THAP3: variants seen among roughly 807,000 people sequenced by gnomAD.
THAP3 encodes THAP domain containing 3, also known as THAP domain-containing protein 3.
THAP3 carries 12 observed loss-of-function variants against 17.7 expected under a neutral mutation model. The observed-to-expected ratio is 0.68, with a 90% CI of 0.43 to 1.10. The LOEUF (loss-of-function observed/expected upper bound fraction) is 1.10. THAP3 is among the 50% of genes least tolerant of loss of function. The probability of loss-of-function intolerance (pLI) is 0.00; values close to 1 mark genes in which losing one functional copy is unlikely to be tolerated. For missense variants in THAP3, 289 were observed against 318.0 expected (o/e 0.91, Z 0.69); for synonymous variants, 133 against 126.9 (o/e 1.05, Z -0.32).
At chr1:6,630,566 T>C (rs1424585077) in intron 4 of THAP3, among the ~76,000 whole-genome samples, 1 of 152,172 alleles carries the variant, frequency 6.6e-6, no homozygotes, top group East Asian at 1.9e-4. Context: ...GGATCGTGCC[T>C]GATTCCCTTT....
At position 6,633,206 on chromosome 1, in the gene THAP3, G is replaced by A; in HGVS notation, c.*129G>A. 4 of 1,455,198 alleles carry A rather than the reference G, an allele frequency of 2.7e-6. No individual in the cohort carries two copies. Among genetic ancestry groups the A allele is most frequent in the Non-Finnish European group, 3.6e-6 (4 of 1,109,756 alleles). 90.1% of individuals were successfully genotyped at this position (1,455,198 alleles called of 1,614,324 possible). A position where few individuals can be genotyped will look rare whatever the true frequency, so the allele number is the denominator to read the frequency against. ...TGGCCATGAGGCCTGCTTGGCCGGG[G>A]ATCGAGACAGTAGCCAAGCTCCCCG... On this transcript the variant is annotated 3_prime_UTR_variant, in exon 6 of 6. Coordinates refer to ENST00000054650, the MANE Select transcript of THAP3 (RefSeq NM_001195753.2).
chr1:6,631,317 G>A (rs906338774), intron 4 of THAP3, among the ~76,000 whole-genome samples: 4 of 151,882 alleles, frequency 2.6e-5, no homozygotes, highest in Admixed American at 1.3e-4. Context: ...GCACCTGGCC[G>A]TGCCTGATTT....
intron 4 of THAP3, among the ~76,000 whole-genome samples, chr1:6,631,575 C>T (rs1427565984): frequency 6.6e-6 from 1 of 152,124 alleles, no homozygotes; most frequent in African/African-American, 2.4e-5. Flanking sequence ...TCGAAACCAG[C>T]CTGGCCAACA....
chr1:6,633,576 A>G (rs1641690306), downstream of THAP3: 1 of 1,057,004 alleles, frequency 9.5e-7, no homozygotes, highest in Non-Finnish European at 1.1e-6. Context: ...TGTCGCTCCC[A>G]TCATCATTTT....
intron 5 of THAP3, 89 bp from the exon 6 acceptor site, chr1:6,632,707 T>C: frequency 6.5e-7 from 1 of 1,531,124 alleles, no homozygotes; most frequent in Middle Eastern, 1.7e-4. Flanking sequence ...GCCCTGGGGT[T>C]GTGCTGTGTG....
intron 3 of THAP3, 97 bp downstream of exon 3, chr1:6,628,788 C>A: frequency 7.7e-7 from 1 of 1,293,500 alleles, no homozygotes; most frequent in Non-Finnish European, 1.1e-6. Flanking sequence ...TGGGAAAAGC[C>A]AAGGCCAAGA....
intron 2 of THAP3, 91 bp downstream of exon 2, chr1:6,625,383 A>C: frequency 1.7e-6 from 2 of 1,204,120 alleles, no homozygotes; most frequent in East Asian, 3.4e-5. Flanking sequence ...GGGAGGCCCA[A>C]AGGCGTGCGG....
At chr1:6,628,991 C>G (rs1641537502) in intron 3 of THAP3, among the ~76,000 whole-genome samples, 1 of 152,216 alleles carries the variant, frequency 6.6e-6, no homozygotes, top group South Asian at 2.1e-4. Flanking sequence ...CACCTGAGGT[C>G]AGGAATTCGA....
At chr1:6,634,792 G>A, downstream of THAP3, 1 of 1,305,060 alleles carries the variant, frequency 7.7e-7, no homozygotes, top group Non-Finnish European at 1.0e-6. Context: ...CACCTGCTGG[G>A]TACCACGGGC....
chr1:6,634,757 C>T (rs757101172), downstream of THAP3: 3 of 1,340,322 alleles, frequency 2.2e-6, no homozygotes, highest in East Asian at 1.4e-4. Flanking sequence ...GACGCTGGAC[C>T]TGCAGGAGCG....
chr1:6,625,409 A>T, intron 2 of THAP3, 117 bp downstream of exon 2: 1 of 961,090 alleles, frequency 1.0e-6, no homozygotes, highest in Non-Finnish European at 1.4e-6. Context: ...GGGCCCGGGG[A>T]CAGGCCGAGG....
At chr1:6,634,930 C>G, downstream of THAP3, 1 of 1,133,718 alleles carries the variant, frequency 8.8e-7, no homozygotes. Context: ...GGTGGAGGGA[C>G]ACAGGCCAGC....
At position 6,629,446 on chromosome 1, in the gene THAP3, A is replaced by G. The variant is rs755741662; in HGVS notation, c.267+755A>G. On this transcript the variant is annotated intron_variant, in intron 3 of 5. Coordinates refer to ENST00000054650, the MANE Select transcript of THAP3 (RefSeq NM_001195753.2). ...AGCCCCTGCCCCATCTGTCCTCCCC[A>G]GCACCCTTCCCAGATAGCCTCATGC... 4.7e-4 allele frequency among the ~76,000 whole-genome samples: 71 copies of G among 152,258 alleles called. 1 individual carries two copies. Among genetic ancestry groups the G allele is most frequent in the Middle Eastern group, 3.4e-3 (1 of 294 alleles).
intron 3 of THAP3, among the ~76,000 whole-genome samples, chr1:6,629,233 G>A (rs1294214861): frequency 1.3e-5 from 2 of 152,220 alleles, no homozygotes; most frequent in Non-Finnish European, 2.9e-5. Context: ...CCTTGAGATC[G>A]CATGATAGGC....
chr1:6,630,646 C>T (rs997035230), intron 4 of THAP3, among the ~76,000 whole-genome samples: 5 of 152,124 alleles, frequency 3.3e-5, no homozygotes, highest in Non-Finnish European at 7.4e-5. Context: ...ATGATCTCGG[C>T]GCACTGCAAC....
Position 6,624,968 on chromosome 1 carries a change from A to G in THAP3, c.-70+14A>G. ...TTGGCGAATGGGGTAAGACTTGCAC[A>G]GGCCCAAGGCTAGGAGTTGGGGTTT... is the stretch of plus-strand genomic sequence containing the variant. On this transcript the variant is annotated intron_variant, in intron 1 of 5. Transcript: ENST00000054650. The G allele has an allele frequency of 1.9e-6, 1 of 525,284 alleles. No homozygotes were observed. Among genetic ancestry groups the G allele is most frequent in the Non-Finnish European group, 3.4e-6 (1 of 297,340 alleles). The allele number at this position is 525,284 out of a possible 1,614,324, so 32.5% of individuals were successfully genotyped here. A position where few individuals can be genotyped will look rare whatever the true frequency, so the allele number is the denominator to read the frequency against.
At chr1:6,625,736 T>C (rs1641451350) in intron 2 of THAP3, among the ~76,000 whole-genome samples, 1 of 118,826 alleles carries the variant, frequency 8.4e-6, no homozygotes, top group African/African-American at 3.3e-5. Flanking sequence ...TGGAGTCTGC[T>C]CCAGCACTCG....
intron 3 of THAP3, chr1:6,629,857 TTGG>T (rs1158958592): frequency 5.4e-6 from 1 of 183,676 alleles, no homozygotes; most frequent in African/African-American, 2.3e-5. Flanking sequence ...CAGTGCCTGG[TTGG>T]TGGGGAGAAG....
rs982698372 is a variant in THAP3 at position 6,630,680 on chromosome 1, C to T, written c.333+327C>T. Among the ~76,000 whole-genome samples, 5 of 152,150 alleles carry T rather than the reference C, an allele frequency of 3.3e-5. No individual in the cohort carries two copies. In the East Asian group the frequency reaches 9.6e-4, roughly 29 times the overall value. On this transcript the variant is annotated intron_variant, in intron 4 of 5. Transcript: ENST00000054650. The stretch of plus-strand genomic sequence containing the variant: ...ACCTCTTCCAGGTTCAAGTGATTCT[C>T]TTGCCTCAGCCTCCCGAGTAGCTGG...
Sources: allele counts gnomAD v4.1 joint callset (sites outside exome capture counted in the v4.1 genomes callset), GRCh38; gene constraint gnomAD v4.1.1; transcripts MANE v1.5; gene names NCBI Gene and HGNC (gene_info 2026-07-23, HGNC 2026-07-21).